The following MTERF4 variants were observed in gnomAD, a reference collection of about 807,000 sequenced individuals.
The protein encoded by MTERF4 is mitochondrial transcription termination factor 4.
A neutral mutation model predicts 22.5 loss-of-function variants in MTERF4; 17 were observed. The observed-to-expected ratio is 0.75, with a 90% CI of 0.52 to 1.13. The LOEUF is 1.13. MTERF4 is among the 50% of genes most tolerant of loss of function. The pLI is 0.00. For missense variants in MTERF4, 420 were observed against 466.8 expected (o/e 0.90, Z 0.92); for synonymous variants, 165 against 175.3 (o/e 0.94, Z 0.47).
chr2:241,049,959 C>T, the MTERF4 span: 7 of 1,566,506 alleles, frequency 4.5e-6, no homozygotes, highest in Middle Eastern at 1.7e-4. Flanking sequence ...GCGTCCGGGC[C>T]GGCGTCAGCA....
chr2:241,065,674 G>A, the MTERF4 span: 90 of 1,270,278 alleles, frequency 7.1e-5, no homozygotes, highest in Non-Finnish European at 8.1e-5. Context: ...CCTGCAGGGC[G>A]GCTGTCATGC....
chr2:241,087,599 T>A (rs535155381), downstream of MTERF4: 1 of 1,449,984 alleles, frequency 6.9e-7, no homozygotes, highest in Non-Finnish European at 9.1e-7. Context: ...CTCGCCCAGA[T>A]AGGCAGCCCC....
chr2:241,060,534 C>T, the MTERF4 span, among the ~76,000 whole-genome samples: 5 of 152,116 alleles, frequency 3.3e-5, no homozygotes, highest in Non-Finnish European at 7.3e-5. Context: ...AGAAAATATT[C>T]ATGAGAGCTG....
chr2:241,101,140 AGAT>A (rs1368467874), intron 1 of MTERF4: 3 of 462,290 alleles, frequency 6.5e-6, no homozygotes, highest in Non-Finnish European at 1.4e-5. Context: ...TTGTAATATA[AGAT>A]GAAATAATTA....
chr2:241,097,039 A>T, intron 3 of MTERF4: 1 of 616,580 alleles, frequency 1.6e-6, no homozygotes, highest in Non-Finnish European at 2.9e-6. Flanking sequence ...CAGAGAATCT[A>T]GTCTTTCACT....
At chr2:241,069,046 C>A (rs548980870), downstream of MTERF4, 4 of 1,497,420 alleles carry the variant, frequency 2.7e-6, no homozygotes, top group Non-Finnish European at 3.6e-6. The surrounding 1 kb of genome is among the most constrained non-coding windows in gnomAD (Gnocchi z 4.9). Flanking sequence ...GCGCGGCCCC[C>A]GGCACACGAA....
chr2:241,084,200 G>A (rs1009069796), downstream of MTERF4, among the ~76,000 whole-genome samples: 11 of 148,776 alleles, frequency 7.4e-5, no homozygotes, highest in African/African-American at 2.0e-4. Flanking sequence ...GCGATGGTGC[G>A]ATCTTGGCTC....
chr2:241,049,047 G>C, the MTERF4 span: 4 of 1,613,228 alleles, frequency 2.5e-6, no homozygotes, highest in African/African-American at 5.3e-5. Context: ...CCTGCAACAT[G>C]AACACACAGT....
In MTERF4 at chr2:241,101,496, T is replaced by C. The variant is rs2064706374; in HGVS notation, c.21+757A>G. On this transcript the variant is annotated intron_variant, in intron 1 of 3. Coordinates refer to ENST00000391980, the MANE Select transcript of MTERF4 (RefSeq NM_182501.4). The stretch of plus-strand genomic sequence containing the variant: ...GTACCGGGGGTTGGGGAACCCCTGC[T>C]CTAAAACCTTCACATCGGTCCCAAC... 3.3e-5 allele frequency among the ~76,000 whole-genome samples: 5 copies of C among 152,202 alleles called. 1 individual carries two copies. Among genetic ancestry groups the C allele is most frequent in the Admixed American group, 3.3e-4 (5 of 15,278 alleles).
rs202018076 is a variant in MTERF4, at chr2:241,073,408, C to T, written n.2754G>A. The T allele has an allele frequency of 9.5e-6, 14 of 1,469,728 alleles. No individual in the cohort carries two copies. The highest frequency in any genetic ancestry group is 7.9e-5 in the Admixed American group (4 of 50,884). 91.0% of individuals were successfully genotyped at this position (1,469,728 alleles called of 1,614,324 possible). The stretch of plus-strand genomic sequence containing the variant: ...TGGGGACTTTGGGACTGACTGACTG[C>T]TCTCAGGGGCCTTAGAGGCTGCAGG... On this transcript the variant is annotated non_coding_transcript_exon_variant, in exon 5 of 5. Coordinates refer to the MTERF4 transcript ENST00000464344. This position sits in a 1 kb window ranked among gnomAD's most constrained non-coding sequence, Gnocchi z 6.6.
downstream of MTERF4, chr2:241,094,466 T>C: frequency 2.1e-6 from 1 of 467,162 alleles, no homozygotes; most frequent in Non-Finnish European, 4.4e-6. The surrounding 1 kb of genome is among the most constrained non-coding windows in gnomAD (Gnocchi z 4.3). Flanking sequence ...ATTTCAGTGC[T>C]GAATCCCCAC....
the MTERF4 span, among the ~76,000 whole-genome samples, chr2:241,058,384 A>G: frequency 2.6e-5 from 4 of 151,766 alleles, no homozygotes; most frequent in South Asian, 2.1e-4. Context: ...AGAAGTTAGG[A>G]AAAAAAATAC....
At chr2:241,088,512 A>G (rs2063700526), downstream of MTERF4, 1 of 880,962 alleles carries the variant, frequency 1.1e-6, no homozygotes, top group East Asian at 2.4e-5. Flanking sequence ...CAGCACTGCT[A>G]AAGGAAGCGC....
chr2:241,049,696 G>A, the MTERF4 span: 1 of 686,730 alleles, frequency 1.5e-6, no homozygotes, highest in Non-Finnish European at 2.6e-6. Flanking sequence ...TGTATTTTCA[G>A]TGGCCTTGGT....
chr2:241,046,960 G>C, the MTERF4 span, among the ~76,000 whole-genome samples: 6 of 151,826 alleles, frequency 4.0e-5, no homozygotes, highest in East Asian at 1.2e-3. Context: ...CTGGCCAACA[G>C]AGTGAAACCC....
At chr2:241,071,646 G>A (rs1420531267), downstream of MTERF4, 19 of 1,573,618 alleles carry the variant, frequency 1.2e-5, no homozygotes, top group South Asian at 1.0e-4. Flanking sequence ...AGAACAGACC[G>A]CCCCCGGCGC....
intron 4 of MTERF4, among the ~76,000 whole-genome samples, chr2:241,079,984 T>TA (rs2063252449): frequency 6.6e-6 from 1 of 152,154 alleles, no homozygotes; most frequent in Non-Finnish European, 1.5e-5. Context: ...TGAAAGAAGT[T>TA]AAAAATCTTG....
intron 4 of MTERF4, among the ~76,000 whole-genome samples, chr2:241,079,815 A>G (rs577047757): frequency 2.4e-4 from 37 of 152,344 alleles, no homozygotes; most frequent in African/African-American, 8.7e-4. Context: ...CTAAGGATAA[A>G]AAGCATCGCC....
chr2:241,090,941 C>T (rs182007694), downstream of MTERF4, among the ~76,000 whole-genome samples: 139 of 151,978 alleles, frequency 9.1e-4, no homozygotes, highest in Non-Finnish European at 1.7e-3. Context: ...TCTCATGGGA[C>T]CACTGTCATG....
Sources: allele counts gnomAD v4.1 joint callset (sites outside exome capture counted in the v4.1 genomes callset), GRCh38; gene constraint gnomAD v4.1.1; non-coding constraint Gnocchi (gnomAD v3.1); transcripts MANE v1.5; gene names NCBI Gene and HGNC (gene_info 2026-07-23, HGNC 2026-07-21).